Variants in LRRC66 observed in about 807,000 individuals in gnomAD.
LRRC66 encodes the protein leucine rich repeat containing 66.
A neutral mutation model predicts 24.6 loss-of-function variants in LRRC66; 29 were observed. The ratio of observed to expected loss-of-function variants is 1.18; its 90% CI spans 0.88 to 1.61. The LOEUF (loss-of-function observed/expected upper bound fraction) is 1.61. LRRC66 is among the 40% of genes most tolerant of loss of function. The pLI is 0.00. For synonymous variants in LRRC66, 411 were observed against 397.6 expected (o/e 1.03, Z -0.40); for missense variants, 1,124 against 1,058.0 (o/e 1.06, Z -0.87).
intron 4 of LRRC66, 27 bp from the exon 5 acceptor site, chr4:51,996,192 A>G: frequency 6.6e-7 from 1 of 1,516,456 alleles, no homozygotes; most frequent in East Asian, 2.3e-5. Flanking sequence ...AAAAATACAC[A>G]TTGAGCGAAC....
intron 1 of LRRC66, among the ~76,000 whole-genome samples, 169 bp downstream of exon 1, chr4:52,020,135 A>G (rs750630596): frequency 2.0e-5 from 3 of 152,174 alleles, no homozygotes; most frequent in Admixed American, 6.6e-5. Context: ...GTGAGTCAGC[A>G]AGTGAAAGAT....
intron 3 of LRRC66, among the ~76,000 whole-genome samples, chr4:51,999,883 T>A (rs1373819458): frequency 6.6e-6 from 1 of 152,162 alleles, no homozygotes; most frequent in Non-Finnish European, 1.5e-5. Flanking sequence ...GGGATAAGAT[T>A]AGGAAAAGAA....
At chr4:51,996,397 T>A (rs1382054905) in intron 4 of LRRC66, among the ~76,000 whole-genome samples, 1 of 151,152 alleles carries the variant, frequency 6.6e-6, no homozygotes, top group Non-Finnish European at 1.5e-5. Context: ...CAGGTGTGTG[T>A]CACCACGCCT....
intron 1 of LRRC66, among the ~76,000 whole-genome samples, chr4:52,019,885 T>C (rs896937821): frequency 6.6e-6 from 1 of 152,174 alleles, no homozygotes; most frequent in African/African-American, 2.4e-5. Context: ...GATTTATACA[T>C]GTTAGGTTTG....
Position 52,007,282 on chromosome 4 carries a change from G to A in LRRC66, c.497-3890C>T, listed in dbSNP as rs142593558. On this transcript the variant is annotated intron_variant, in intron 2 of 4. Transcript: ENST00000682860. ...TAACCTCGAACTCCTAGGCTCAAGC[G>A]ATTCTCTTGCCTCAGCCTTCAGAGT... Among the ~76,000 whole-genome samples, 66 of 152,276 alleles carry A rather than the reference G, an allele frequency of 4.3e-4. No individual in the cohort carries two copies. In the East Asian group the frequency reaches 8.5e-3, roughly 20 times the overall value.
Position 51,994,794 on chromosome 4 carries a change from CT to C in LRRC66, c.2227del (p.Ser743AlafsTer5). ...ESLQDESSGA[S>X]KDNVTAVDSL... is the part of the protein sequence containing the mutation. ...GTCTACAGCCGTCACATTGTCCTTG[CT>C]TGCCCCTGAGCTCTCGTCCTGCAGG... On this transcript the variant is annotated frameshift_variant, in exon 5 of 5. Coordinates refer to ENST00000682860, the MANE Select transcript of LRRC66 (RefSeq NM_001024611.3). LOFTEE classifies it low-confidence loss of function (END_TRUNC). 1 of 1,614,228 alleles carries C rather than the reference CT, an allele frequency of 6.2e-7. No homozygotes were observed. The highest frequency in any genetic ancestry group is 8.5e-7 in the Non-Finnish European group (1 of 1,180,020).
intron 2 of LRRC66, among the ~76,000 whole-genome samples, chr4:52,016,552 T>C (rs1419722924): frequency 6.6e-6 from 1 of 152,152 alleles, no homozygotes; most frequent in Non-Finnish European, 1.5e-5. Flanking sequence ...GAATTTATGA[T>C]AATTGGAGGC....
rs756831337 is a variant in LRRC66 at position 51,997,890 on chromosome 4, C to T, written c.714G>A (p.Met238Ile). 1.3e-5 allele frequency: 21 copies of T among 1,614,106 alleles called. No individual in the cohort carries two copies. The highest frequency in any genetic ancestry group is 1.7e-5 in the Non-Finnish European group (20 of 1,179,992). The change falls in exon 4 of 5, where the codon ATG becomes ATA. Residue 238 changes from methionine to isoleucine, a missense_variant. Met to Ile is a conservative substitution (Grantham distance 10). Coordinates refer to ENST00000682860, the MANE Select transcript of LRRC66 (RefSeq NM_001024611.3). The part of the protein sequence containing the change: ...NNALITILPM[M>I]IIALEFPHLV... ...GATGGGGAAATTCTAGAGCTATGAT[C>T]ATCATTGGTAGGATGGTAATCAGAG...
Position 51,995,777 on chromosome 4 carries a change from G to A in LRRC66, c.1245C>T (p.Gly415=), listed in dbSNP as rs753324440. 3.7e-6 allele frequency: 6 copies of A among 1,613,982 alleles called. No individual in the cohort carries two copies. The East Asian group carries it at 6.7e-5, about 18-fold the overall frequency. ...WQKKCQSKSP[G]LDNAYSNEGF... is the part of the protein sequence containing the mutation. ...CCTCGTTTGAATACGCGTTGTCCAG[G>A]CCAGGGCTTTTGCTCTGGCACTTTT... The change falls in exon 5 of 5, where the codon GGC becomes GGT. Residue 415 remains glycine (G), a synonymous_variant. Transcript: ENST00000682860.
At chr4:52,005,289 G>A (rs918672157) in intron 2 of LRRC66, among the ~76,000 whole-genome samples, 3 of 152,066 alleles carry the variant, frequency 2.0e-5, no homozygotes, top group African/African-American at 4.8e-5. Flanking sequence ...TATCAATGGG[G>A]GCGTGAGCTT....
At chr4:52,010,298 A>T (rs1362967602) in intron 2 of LRRC66, among the ~76,000 whole-genome samples, 2 of 152,032 alleles carry the variant, frequency 1.3e-5, no homozygotes, top group Admixed American at 1.3e-4. Context: ...AGTTCACAAA[A>T]TTTTTTCTTT....
chr4:52,004,436 T>C (rs929599452), intron 2 of LRRC66, among the ~76,000 whole-genome samples: 6 of 152,214 alleles, frequency 3.9e-5, no homozygotes, highest in Admixed American at 1.3e-4. Flanking sequence ...TCCAGGAAAA[T>C]AATCAAATTG....
chr4:52,017,050 G>C (rs749828049), intron 2 of LRRC66, 68 bp downstream of exon 2: 163 of 1,494,896 alleles, frequency 1.1e-4, no homozygotes, highest in Non-Finnish European at 1.4e-4. Flanking sequence ...AACAAATGTG[G>C]AATTCTTATG....
intron 2 of LRRC66, among the ~76,000 whole-genome samples, chr4:52,016,562 C>T (rs572893736): frequency 1.3e-5 from 2 of 152,124 alleles, no homozygotes; most frequent in African/African-American, 4.8e-5. Flanking sequence ...TAATTGGAGG[C>T]TATCTGGAGT....
chr4:52,018,870 C>T (rs963790491), intron 1 of LRRC66, among the ~76,000 whole-genome samples: 1 of 152,132 alleles, frequency 6.6e-6, no homozygotes, highest in East Asian at 1.9e-4. Context: ...AAGTTCAATG[C>T]CTTTTCCTCT....
chr4:52,018,987 C>T (rs1284670399), intron 1 of LRRC66, among the ~76,000 whole-genome samples: 1 of 152,208 alleles, frequency 6.6e-6, no homozygotes, highest in Non-Finnish European at 1.5e-5. Context: ...AGCAATTCTC[C>T]TGCCTCAGCC....
chr4:52,017,374 C>T lies in LRRC66; in HGVS notation c.240G>A (p.Thr80=), dbSNP rs368082372. The T allele has an allele frequency of 6.9e-5, 111 of 1,613,828 alleles. 1 individual carries two copies. Among genetic ancestry groups the T allele is most frequent in the Non-Finnish European group, 8.8e-5 (104 of 1,179,976 alleles). ...NFFRVLLQSH[T]KKEEWKIKHL... ...GTTTTATTTTCCACTCTTCTTTTTT[C>T]GTGTGAGACTGTAAGAGAACTCTAA... Residue 80 remains threonine (T), a synonymous_variant, in exon 2 of 5, where the codon ACG becomes ACA. Coordinates refer to ENST00000682860, the MANE Select transcript of LRRC66 (RefSeq NM_001024611.3).
intron 2 of LRRC66, among the ~76,000 whole-genome samples, chr4:52,016,670 T>C (rs1175577606): frequency 2.0e-5 from 3 of 152,100 alleles, no homozygotes; most frequent in South Asian, 2.1e-4. Context: ...TGCTGTAAGT[T>C]TGGAGGACAA....
At chr4:52,005,605 A>C (rs752351189) in intron 2 of LRRC66, among the ~76,000 whole-genome samples, 5 of 2,740 alleles carry the variant, frequency 1.8e-3, no homozygotes, top group Admixed American at 0.012. Flanking sequence ...CAAACAACAA[A>C]AAAAAAAAAA....
Sources: allele counts gnomAD v4.1 joint callset (sites outside exome capture counted in the v4.1 genomes callset), GRCh38; gene constraint gnomAD v4.1.1; transcripts MANE v1.5; gene names NCBI Gene and HGNC (gene_info 2026-07-23, HGNC 2026-07-21).